Variants in EIF2AK4 observed in about 807,000 individuals in gnomAD.
EIF2AK4 encodes eIF-2-alpha kinase GCN2.
In EIF2AK4, 139 loss-of-function variants were observed where a neutral mutation model predicts 211.1. That is an observed-to-expected ratio of 0.66 (90% CI 0.57 to 0.76). The LOEUF is 0.76. EIF2AK4 is among the 30% of genes least tolerant of loss of function. The pLI is 0.00. For synonymous variants in EIF2AK4, 710 were observed against 751.3 expected (o/e 0.94, Z 0.90); for missense variants, 1,664 against 2,043.8 (o/e 0.81, Z 3.58).
chr15:40,026,436 G>A (rs1023204211), intron 33 of EIF2AK4, among the ~76,000 whole-genome samples: 9 of 152,198 alleles, frequency 5.9e-5, no homozygotes, highest in African/African-American at 7.2e-5. Context: ...CAGCCTGGGT[G>A]AAGAGAAAGA....
Position 39,965,680 on chromosome 15 carries a change from G to A in EIF2AK4, c.860-6G>A. 6.2e-7 allele frequency: 1 copy of A among 1,613,464 alleles called. No individual in the cohort carries two copies. The highest frequency in any genetic ancestry group is 8.5e-7 in the Non-Finnish European group (1 of 1,179,758). On this transcript the variant is annotated splice_region_variant and splice_polypyrimidine_tract_variant and intron_variant, in intron 7 of 38. Coordinates refer to ENST00000263791, the MANE Select transcript of EIF2AK4 (RefSeq NM_001013703.4). Reference sequence around the variant, plus strand: ...GATTTAATTACACTTTCTGTTTAATGTGCAGGCAGTGATGAACAACTTGGA... The same window carrying A: ...GATTTAATTACACTTTCTGTTTAATATGCAGGCAGTGATGAACAACTTGGA...
At chr15:40,032,119 A>G (rs371393611) in intron 35 of EIF2AK4, 50 bp from the exon 36 acceptor site, 15 of 1,439,510 alleles carry the variant, frequency 1.0e-5, no homozygotes, top group Non-Finnish European at 1.4e-5. Flanking sequence ...AGATGGCAAG[A>G]AAGATGGCTT....
chr15:39,956,231 C>G (rs1406108171), intron 6 of EIF2AK4, among the ~76,000 whole-genome samples: 21 of 152,040 alleles, frequency 1.4e-4, no homozygotes, highest in Admixed American at 1.4e-3. Context: ...GTCTCGAACT[C>G]CTGACCTCGT....
chr15:40,032,491 T>C (rs1036710974), intron 36 of EIF2AK4, among the ~76,000 whole-genome samples: 9 of 152,230 alleles, frequency 5.9e-5, no homozygotes, highest in African/African-American at 2.2e-4. Context: ...TATCAGGCCT[T>C]TGCCTTGCTA....
At chr15:40,001,633 C>CA (rs11383908) in intron 21 of EIF2AK4, among the ~76,000 whole-genome samples, 88,449 of 120,312 alleles carry the variant, frequency 0.74, 32,669 homozygotes, top group South Asian at 0.81. Context: ...GACCCCAACT[C>CA]AAAAAAAAAA....
intron 4 of EIF2AK4, chr15:39,951,762 T>G (rs1380252016): frequency 5.9e-6 from 1 of 170,848 alleles, no homozygotes; most frequent in African/African-American, 2.4e-5. Context: ...GCCAAGAGCT[T>G]TACCACCTGT....
chr15:39,941,687 CAT>C (rs1263833124), intron 2 of EIF2AK4, among the ~76,000 whole-genome samples: 2 of 152,172 alleles, frequency 1.3e-5, no homozygotes, highest in Non-Finnish European at 2.9e-5. Flanking sequence ...GCACTACTGA[CAT>C]GTGGGCAGAT....
intron 3 of EIF2AK4, among the ~76,000 whole-genome samples, chr15:39,946,163 G>A (rs1446191277): frequency 6.6e-6 from 1 of 152,210 alleles, no homozygotes; most frequent in Non-Finnish European, 1.5e-5. Context: ...TGCTGCCATA[G>A]ATAGTGATTC....
At chr15:39,948,326 A>G (rs2034257721) in intron 3 of EIF2AK4, among the ~76,000 whole-genome samples, 1 of 152,204 alleles carries the variant, frequency 6.6e-6, no homozygotes, top group Non-Finnish European at 1.5e-5. Flanking sequence ...AAAAAATCTC[A>G]ATGTTATGTT....
intron 5 of EIF2AK4, among the ~76,000 whole-genome samples, chr15:39,954,284 A>T (rs189992508): frequency 3.8e-4 from 58 of 152,322 alleles, no homozygotes; most frequent in Non-Finnish European, 7.4e-4. Context: ...ACAGAGTCTC[A>T]TTCTGTCGCC....
intron 3 of EIF2AK4, 107 bp from the exon 4 acceptor site, chr15:39,949,009 C>T: frequency 7.7e-7 from 1 of 1,299,942 alleles, no homozygotes. Context: ...TAATGGCATT[C>T]TAAGTGGGCC....
Position 39,967,565 on chromosome 15 carries a change from T to C in EIF2AK4, c.1239T>C (p.Leu413=), listed in dbSNP as rs1422523002. 1.2e-6 allele frequency: 2 copies of C among 1,613,862 alleles called. No homozygotes were observed. Among genetic ancestry groups the C allele is most frequent in the Admixed American group, 1.7e-5 (1 of 59,992 alleles). ...ACACAGCTCAGCTCCTGTCAGGCCT[T>C]GATTATCTGCACAGCAATTCTGTGG... ...RRYTAQLLSG[L]DYLHSNSVVH... The change falls in exon 9 of 39, where the codon CTT becomes CTC. Residue 413 remains leucine, a synonymous_variant. Transcript: ENST00000263791.
rs375720910 is a variant in EIF2AK4, at chr15:39,967,732, A to T, written c.1406A>T (p.Asn469Ile). 33 of 1,614,158 alleles carry T rather than the reference A, an allele frequency of 2.0e-5. No individual in the cohort carries two copies. Among genetic ancestry groups the T allele is most frequent in the Non-Finnish European group, 2.5e-5 (30 of 1,180,016 alleles). The change falls in exon 9 of 39, where the codon AAT becomes ATT. Residue 469 changes from asparagine (N) to isoleucine (I), a missense_variant. Transcript: ENST00000263791. ...FEQTRVRFSD[N>I]ALPYKTGKKG... is the part of the protein sequence containing the mutation. ...CAAACCCGAGTTCGTTTTAGTGACA[A>T]TGCTCTGCCTTATAAAACGGGGAAG... is the stretch of plus-strand genomic sequence containing the variant.
At position 39,985,693 on chromosome 15, in the gene EIF2AK4, A is replaced by G. The variant is rs1042342186; in HGVS notation, c.2320-112A>G. ...ATGTTCTGCTCACTGACTTCTCCCTAAGGCAACTGGGTGGCCCTGTGTTGG... is the reference window on the plus strand; with the variant it reads ...ATGTTCTGCTCACTGACTTCTCCCTGAGGCAACTGGGTGGCCCTGTGTTGG... On this transcript the variant is annotated intron_variant, in intron 13 of 38. Coordinates refer to ENST00000263791, the MANE Select transcript of EIF2AK4 (RefSeq NM_001013703.4). 1.9e-5 allele frequency: 16 copies of G among 858,690 alleles called. No homozygotes were observed. In the Admixed American group the frequency reaches 2.7e-4, roughly 15 times the overall value. The allele number at this position is 858,690 out of a possible 1,614,324, so 53.2% of individuals were successfully genotyped here. A position where few individuals can be genotyped will look rare whatever the true frequency, so the allele number is the denominator to read the frequency against.
rs755922785 is a variant in EIF2AK4, at chr15:39,934,384, C to T, written c.144+45C>T. On this transcript the variant is annotated intron_variant, in intron 1 of 38. Coordinates refer to ENST00000263791, the MANE Select transcript of EIF2AK4 (RefSeq NM_001013703.4). ...GGCCCGGGCTGGCGTGCCCTGGCCT[C>T]CCCGGGCCCTGGGCCAAAGCCCGGA... The T allele has an allele frequency of 1.9e-5, 29 of 1,563,870 alleles. No individual in the cohort carries two copies. The Admixed American group carries it at 2.8e-4, about 15-fold the overall frequency.
chr15:39,986,877 C>CAAA (rs71810163), intron 14 of EIF2AK4, among the ~76,000 whole-genome samples: 8,841 of 151,576 alleles, frequency 0.058, 670 homozygotes, highest in East Asian at 0.21. Context: ...ACAACAACAA[C>CAAA]AACAAAAACA....
Position 39,990,862 on chromosome 15 carries a change from G to A in EIF2AK4, c.2631+485G>A, listed in dbSNP as rs117377196. Among the ~76,000 whole-genome samples the A allele has an allele frequency of 2.3e-3, 344 of 152,364 alleles. 5 individuals carry two copies. The highest frequency in any genetic ancestry group is 0.016 in the Admixed American group (243 of 15,310). On this transcript the variant is annotated intron_variant, in intron 16 of 38. Transcript: ENST00000263791. ...AGGTGGAGGTTGAGGGCAGGGCCTG[G>A]TGGCCCCAGGGTGGGAATTCCAGAG...
intron 13 of EIF2AK4, among the ~76,000 whole-genome samples, chr15:39,980,296 C>T (rs1247530860): frequency 6.6e-6 from 1 of 152,108 alleles, no homozygotes; most frequent in Non-Finnish European, 1.5e-5. Flanking sequence ...GAAAATTCTT[C>T]AGAAAAAACT....
At chr15:40,000,366 C>CT (rs886091578) in intron 20 of EIF2AK4, among the ~76,000 whole-genome samples, 3 of 152,176 alleles carry the variant, frequency 2.0e-5, no homozygotes, top group African/African-American at 7.2e-5. Flanking sequence ...AAATATTTCT[C>CT]TAACTCCTTA....
Sources: gnomAD v4.1 joint callset for allele counts (sites outside exome capture counted in the v4.1 genomes callset) on GRCh38, gnomAD v4.1.1 for gene constraint, MANE v1.5 for transcripts, NCBI Gene and HGNC (gene_info 2026-07-23, HGNC 2026-07-21) for gene names.